PIK3R6: variants seen among roughly 807,000 people sequenced by gnomAD.
PIK3R6 encodes phosphoinositide-3-kinase regulatory subunit 6, also known as phosphoinositide 3-kinase regulatory subunit 6.
In PIK3R6, 91 loss-of-function variants were observed where a neutral mutation model predicts 84.9. That is an observed-to-expected ratio of 1.07 (90% CI 0.90 to 1.28). The LOEUF is 1.28. PIK3R6 is among the 50% of genes most tolerant of loss of function. The pLI is 0.00. For missense variants in PIK3R6, 996 were observed against 985.1 expected (o/e 1.01, Z -0.15); for synonymous variants, 416 against 411.4 (o/e 1.01, Z -0.13).
At chr17:8,832,375 CTTTTTTTT>C (rs759188865) in intron 9 of PIK3R6, among the ~76,000 whole-genome samples, 52 of 77,814 alleles carry the variant, frequency 6.7e-4, no homozygotes, top group Non-Finnish European at 1.1e-3. Flanking sequence ...TACCCACCTT[CTTTTTTTT>C]TTTTTTTTTT....
At chr17:8,807,037 T>C (rs1185271910) in intron 18 of PIK3R6, among the ~76,000 whole-genome samples, 1 of 152,240 alleles carries the variant, frequency 6.6e-6, no homozygotes, top group Non-Finnish European at 1.5e-5. Flanking sequence ...CCTGACCAGG[T>C]TGTTTAAAGA....
chr17:8,850,021 T>C (rs1416726829), intron 1 of PIK3R6, 136 bp from the exon 2 acceptor site: 1 of 437,162 alleles, frequency 2.3e-6, no homozygotes, highest in Non-Finnish European at 4.0e-6. Flanking sequence ...AGAAAACTTA[T>C]GACTGGGTGC....
chr17:8,831,124 T>G, intron 9 of PIK3R6, among the ~76,000 whole-genome samples: 1 of 119,460 alleles, frequency 8.4e-6, no homozygotes, highest in Non-Finnish European at 1.6e-5. Context: ...CCAGCCTGGG[T>G]GACTGAGCAA....
intron 18 of PIK3R6, 88 bp downstream of exon 18, chr17:8,818,995 T>G (rs769214982): frequency 1.0e-6 from 1 of 982,738 alleles, no homozygotes; most frequent in Non-Finnish European, 1.5e-6. Flanking sequence ...GTCAGTTCCC[T>G]TCTCTGAATG....
intron 13 of PIK3R6, among the ~76,000 whole-genome samples, chr17:8,826,912 G>A (rs2087936665): frequency 6.6e-6 from 1 of 152,086 alleles, no homozygotes; most frequent in South Asian, 2.1e-4. Context: ...TTTCCACGGT[G>A]GTCTGGTCCA....
chr17:8,822,927 G>A (rs1409464473), intron 15 of PIK3R6, 69 bp downstream of exon 15: 3 of 1,289,544 alleles, frequency 2.3e-6, no homozygotes, highest in East Asian at 4.6e-5. Context: ...TCAGGTGAGA[G>A]GTGGAAGGAT....
chr17:8,858,029 G>A (rs1346700030), intron 1 of PIK3R6, among the ~76,000 whole-genome samples: 3 of 152,076 alleles, frequency 2.0e-5, no homozygotes, highest in African/African-American at 4.8e-5. Context: ...TTTATTCAGC[G>A]TTTCTATATA....
rs550138331 is a variant in PIK3R6, at chr17:8,829,567, T to G, written c.889+139A>C. ...ACACAGACACACACTCATGCACACA[T>G]ACACACACAGACACACTGACACACA... is the stretch of plus-strand genomic sequence containing the variant. On this transcript the variant is annotated intron_variant, in intron 10 of 19. Transcript: ENST00000619866. 4.3e-4 allele frequency: 343 copies of G among 795,420 alleles called. 5 individuals carry two copies. The African/African-American group carries it at 6.5e-3, about 15-fold the overall frequency. 49.3% of individuals were successfully genotyped at this position (795,420 alleles called of 1,614,324 possible). A position where few individuals can be genotyped will look rare whatever the true frequency, so the allele number is the denominator to read the frequency against.
chr17:8,823,242 T>TATTACA (rs2151213888), intron 14 of PIK3R6, 145 bp downstream of exon 14: 1 of 805,536 alleles, frequency 1.2e-6, no homozygotes, highest in Admixed American at 2.5e-5. Flanking sequence ...TCTGATTCAT[T>TATTACA]TAGAGATGAA....
chr17:8,821,472 TA>T (rs2087730532), intron 17 of PIK3R6, among the ~76,000 whole-genome samples: 1 of 152,252 alleles, frequency 6.6e-6, no homozygotes, highest in African/African-American at 2.4e-5. Context: ...TATAATTTAC[TA>T]TATGCACATA....
intron 10 of PIK3R6, 57 bp downstream of exon 10, chr17:8,829,649 T>G (rs1193028342): frequency 2.0e-6 from 3 of 1,491,074 alleles, no homozygotes; most frequent in Non-Finnish European, 2.7e-6. Context: ...CATGCACGCA[T>G]ACACACACAG....
At chr17:8,846,323 C>T (rs945456455) in intron 2 of PIK3R6, among the ~76,000 whole-genome samples, 1 of 152,106 alleles carries the variant, frequency 6.6e-6, no homozygotes, top group Non-Finnish European at 1.5e-5. Flanking sequence ...GTTTATATGT[C>T]TATTTTTATA....
chr17:8,829,432 G>T (rs2088112698), intron 10 of PIK3R6, among the ~76,000 whole-genome samples: 2 of 124,650 alleles, frequency 1.6e-5, no homozygotes, highest in Non-Finnish European at 3.3e-5. Flanking sequence ...ACACACTCAT[G>T]GATACACACA....
Position 8,835,332 on chromosome 17 carries a change from C to G in PIK3R6, c.586G>C (p.Ala196Pro). ...ETCMRHVVSH[A>P]LQAALGEACH... ...GCCTCCCCCAGAGCCGCCTGCAGGG[C>G]GTGGGAGACCACGTGGCGCATGCAG... Residue 196 changes from alanine to proline, a missense_variant, in exon 8 of 20, where the codon GCC becomes CCC. By Grantham distance (27) the Ala-to-Pro change is conservative (BLOSUM62 -1). Coordinates refer to ENST00000619866, the MANE Select transcript of PIK3R6 (RefSeq NM_001010855.4). The G allele has an allele frequency of 6.2e-7, 1 of 1,608,900 alleles. No homozygotes were observed. The highest frequency in any genetic ancestry group is 8.5e-7 in the Non-Finnish European group (1 of 1,176,898).
chr17:8,865,955 G>A (rs1286270548), intron 1 of PIK3R6, among the ~76,000 whole-genome samples: 1 of 152,154 alleles, frequency 6.6e-6, no homozygotes, highest in African/African-American at 2.4e-5. Context: ...AATGCAGCAG[G>A]GACCAGATGG....
At position 8,836,850 on chromosome 17, in the gene PIK3R6, G is replaced by C. The variant is rs527698590; in HGVS notation, c.332C>G (p.Pro111Arg). Residue 111 changes from proline (P) to arginine (R), a missense_variant, in exon 6 of 20, where the codon CCC becomes CGC. Coordinates refer to ENST00000619866, the MANE Select transcript of PIK3R6 (RefSeq NM_001010855.4). ...FCTRLLTLPT[P>R]YCTVALDCAI... ...GCAGTCCAAGGCGACTGTGCAGTAG[G>C]GGGTGGGCAGGGTCAGTAACCTTGT... 325 of 1,585,136 alleles carry C rather than the reference G, an allele frequency of 2.1e-4. No homozygotes were observed. The highest frequency in any genetic ancestry group is 2.5e-4 in the Non-Finnish European group (292 of 1,165,462).
intron 2 of PIK3R6, among the ~76,000 whole-genome samples, chr17:8,841,217 C>T (rs974117323): frequency 1.3e-5 from 2 of 152,100 alleles, no homozygotes; most frequent in Non-Finnish European, 1.5e-5. Flanking sequence ...AGAATCGTAT[C>T]AGATACATAC....
intron 18 of PIK3R6, among the ~76,000 whole-genome samples, chr17:8,815,521 G>T (rs1319686217): frequency 2.0e-5 from 3 of 149,692 alleles, no homozygotes; most frequent in African/African-American, 7.5e-5. Context: ...AAAAAAAAAA[G>T]GTTGATCACG....
At chr17:8,848,996 T>G (rs1488489483) in intron 2 of PIK3R6, among the ~76,000 whole-genome samples, 1 of 152,326 alleles carries the variant, frequency 6.6e-6, no homozygotes, top group Non-Finnish European at 1.5e-5. Context: ...GATCTTTGAC[T>G]TTCCGGGTGA....
Sources: allele counts gnomAD v4.1 joint callset (sites outside exome capture counted in the v4.1 genomes callset), GRCh38; gene constraint gnomAD v4.1.1; transcripts MANE v1.5; gene names NCBI Gene and HGNC (gene_info 2026-07-23, HGNC 2026-07-21).